Variants in PLPP1 observed in about 807,000 individuals in gnomAD.
The protein encoded by PLPP1 is phospholipid phosphatase 1, also known as lipid phosphate phosphohydrolase 1a.
In PLPP1, 24 loss-of-function variants were observed where a neutral mutation model predicts 31.2. That is an observed-to-expected ratio of 0.77 (90% CI 0.56 to 1.08). The LOEUF (loss-of-function observed/expected upper bound fraction) is 1.08. Ranked by LOEUF, PLPP1 falls within the 50% of genes least tolerant of loss-of-function variation. The probability of loss-of-function intolerance (pLI) is 0.00; values close to 1 mark genes in which losing one functional copy is unlikely to be tolerated. For synonymous variants in PLPP1, 146 were observed against 126.3 expected (o/e 1.16, Z -1.05); for missense variants, 319 against 342.7 (o/e 0.93, Z 0.55).
At chr5:55,471,113 C>T (rs1290767471) in intron 2 of PLPP1, among the ~76,000 whole-genome samples, 2 of 152,098 alleles carry the variant, frequency 1.3e-5, no homozygotes, top group African/African-American at 4.8e-5. Context: ...TCCGCATCTT[C>T]TTCTCCCTCC....
At chr5:55,525,108 G>A (rs1032910136) in intron 1 of PLPP1, among the ~76,000 whole-genome samples, 6 of 152,168 alleles carry the variant, frequency 3.9e-5, no homozygotes, top group African/African-American at 1.2e-4. Context: ...AGCATTCCAT[G>A]AGTACTCATG....
intron 1 of PLPP1, among the ~76,000 whole-genome samples, chr5:55,512,502 A>AAAG (rs1439065435): frequency 0.026 from 338 of 13,232 alleles, 3 homozygotes; most frequent in Admixed American, 0.063. Flanking sequence ...GAAAGAAAAG[A>AAAG]AAAGAAAAGA....
chr5:55,448,079 C>CTACA (rs1322973664), intron 3 of PLPP1, among the ~76,000 whole-genome samples: 1 of 152,138 alleles, frequency 6.6e-6, no homozygotes, highest in Non-Finnish European at 1.5e-5. Flanking sequence ...TGTACAAATG[C>CTACA]TACAAATGGA....
intron 1 of PLPP1, chr5:55,530,788 T>C (rs1454917453): frequency 3.3e-6 from 5 of 1,506,778 alleles, no homozygotes; most frequent in Non-Finnish European, 4.6e-6. Context: ...GAAAACGTGC[T>C]GACAGGGCGC....
chr5:55,457,190 A>G (rs925714608), intron 3 of PLPP1, among the ~76,000 whole-genome samples: 4 of 152,062 alleles, frequency 2.6e-5, no homozygotes, highest in Non-Finnish European at 4.4e-5. Flanking sequence ...GCTATAAATA[A>G]TAATTACTTT....
At chr5:55,467,781 T>G in intron 3 of PLPP1, 88 bp downstream of exon 3, 2 of 1,375,886 alleles carry the variant, frequency 1.5e-6, no homozygotes, top group South Asian at 2.9e-5. Context: ...ACTTCTCTTT[T>G]TAAGTGCGTG....
intron 1 of PLPP1, among the ~76,000 whole-genome samples, chr5:55,482,833 A>G (rs1752698926): frequency 1.3e-5 from 2 of 152,346 alleles, no homozygotes; most frequent in Admixed American, 1.3e-4. Context: ...CCTCAAGACT[A>G]GCAATTTCTT....
chr5:55,458,479 C>CA (rs892492840), intron 3 of PLPP1, among the ~76,000 whole-genome samples: 4 of 149,866 alleles, frequency 2.7e-5, no homozygotes, highest in African/African-American at 9.8e-5. Flanking sequence ...GAGAAACAAC[C>CA]AAAAAAACAG....
At chr5:55,432,095 CTTCTTTTTTTTTTT>C (rs553912656) in intron 4 of PLPP1, among the ~76,000 whole-genome samples, 9,720 of 145,854 alleles carry the variant, frequency 0.067, 534 homozygotes, top group African/African-American at 0.13. Context: ...TTTTCTTTTT[CTTCTTTTTTTTTTT>C]TTTTTTTTTT....
chr5:55,429,620 C>G (rs1233259379), intron 4 of PLPP1, among the ~76,000 whole-genome samples: 2 of 152,136 alleles, frequency 1.3e-5, no homozygotes, highest in Non-Finnish European at 2.9e-5. Context: ...GAGTCCTAAG[C>G]AGCTACAGCA....
At chr5:55,451,005 T>TA (rs1751879921) in intron 3 of PLPP1, among the ~76,000 whole-genome samples, 1 of 152,194 alleles carries the variant, frequency 6.6e-6, no homozygotes, top group Non-Finnish European at 1.5e-5. Context: ...ACTTCTACTC[T>TA]AAGCCCTCAC....
chr5:55,429,143 G>A (rs931798766), intron 4 of PLPP1, among the ~76,000 whole-genome samples: 1 of 152,092 alleles, frequency 6.6e-6, no homozygotes, highest in African/African-American at 2.4e-5. Context: ...TAGTAGGAAG[G>A]ATGCCTAATG....
At chr5:55,530,593 G>A in intron 1 of PLPP1, 1 of 1,361,280 alleles carries the variant, frequency 7.3e-7, no homozygotes, top group Admixed American at 1.7e-5. Flanking sequence ...GATTTGCAAT[G>A]AAGTCTCATG....
chr5:55,440,987 C>T (rs1751608422), intron 4 of PLPP1, among the ~76,000 whole-genome samples: 1 of 151,920 alleles, frequency 6.6e-6, no homozygotes, highest in Non-Finnish European at 1.5e-5. Flanking sequence ...GATTTTCTAA[C>T]CCTCCTCTCT....
At chr5:55,531,613 C>G (rs1740672145) in intron 1 of PLPP1, among the ~76,000 whole-genome samples, 1 of 152,180 alleles carries the variant, frequency 6.6e-6, no homozygotes, top group Non-Finnish European at 1.5e-5. Flanking sequence ...GGATTCCTCA[C>G]AGAAAAAGGA....
chr5:55,513,988 C>CAG (rs1753499857), intron 1 of PLPP1, among the ~76,000 whole-genome samples: 1 of 152,186 alleles, frequency 6.6e-6, no homozygotes. Context: ...TTACGGAAAT[C>CAG]AGACTGACTT....
chr5:55,431,937 A>G (rs1418893476), intron 4 of PLPP1, among the ~76,000 whole-genome samples: 1 of 152,154 alleles, frequency 6.6e-6, no homozygotes, highest in Non-Finnish European at 1.5e-5. Context: ...CCAATCATCT[A>G]TTTGGAGATA....
chr5:55,530,743 C>T, intron 1 of PLPP1: 4 of 1,571,212 alleles, frequency 2.5e-6, no homozygotes, highest in Non-Finnish European at 3.5e-6. Context: ...ATGTGCTCCG[C>T]TTTCCCTCAT....
intron 1 of PLPP1, among the ~76,000 whole-genome samples, chr5:55,503,977 C>T (rs898322680): frequency 1.2e-4 from 18 of 150,884 alleles, no homozygotes; most frequent in Non-Finnish European, 2.5e-4. Flanking sequence ...GATTATGGAC[C>T]TCCTTAAGAC....
Sources: allele counts gnomAD v4.1 joint callset (sites outside exome capture counted in the v4.1 genomes callset), GRCh38; gene constraint gnomAD v4.1.1; transcripts MANE v1.5; gene names NCBI Gene and HGNC (gene_info 2026-07-23, HGNC 2026-07-21).